Variants in FGF12 observed in about 807,000 individuals in gnomAD.
FGF12 encodes the protein fibroblast growth factor 12, also known as fibroblast growth factor 12B.
In FGF12, 14 loss-of-function variants were observed where a neutral mutation model predicts 23.6. The observed-to-expected ratio is 0.59, with a 90% CI of 0.39 to 0.93. The LOEUF is 0.93. Among genes scored for constraint, FGF12 ranks in the 40% least tolerant of loss-of-function variants. The pLI is 0.00. For missense variants in FGF12, 175 were observed against 217.8 expected, an observed-to-expected ratio of 0.80 and a Z score of 1.24; for synonymous variants, 62 against 77.3, an observed-to-expected ratio of 0.80 and a Z score of 1.04.
At chr3:192,596,007 G>A (rs1713825592) in intron 2 of FGF12, among the ~76,000 whole-genome samples, 1 of 151,438 alleles carries the variant, frequency 6.6e-6, no homozygotes, top group African/African-American at 2.4e-5. Context: ...GTGGGAGGAT[G>A]GCTTGAGCCA....
intron 2 of FGF12, among the ~76,000 whole-genome samples, chr3:192,623,915 A>G (rs1440628277): frequency 6.6e-6 from 1 of 152,196 alleles, no homozygotes; most frequent in Non-Finnish European, 1.5e-5. Context: ...TCAAAAAGTA[A>G]TTAGTTTATG....
chr3:192,385,946 A>G (rs1267118667), intron 2 of FGF12, among the ~76,000 whole-genome samples: 1 of 152,224 alleles, frequency 6.6e-6, no homozygotes, highest in Non-Finnish European at 1.5e-5. Flanking sequence ...AGTAGAGTCC[A>G]GGACAAAGGC....
At chr3:192,282,919 G>A (rs1362225963) in intron 4 of FGF12, 1 of 152,128 alleles carries the variant, frequency 6.6e-6, no homozygotes. Flanking sequence ...CATGAGGTAA[G>A]TGGACGTGAG....
chr3:192,478,594 ATTC>A (rs1483448404), intron 2 of FGF12, among the ~76,000 whole-genome samples: 1 of 152,140 alleles, frequency 6.6e-6, no homozygotes, highest in Non-Finnish European at 1.5e-5. Context: ...TACTGTATTC[ATTC>A]TTCATGTAAA....
At chr3:192,492,956 A>ATTTT (rs766838831) in intron 2 of FGF12, among the ~76,000 whole-genome samples, 20 of 121,604 alleles carry the variant, frequency 1.6e-4, no homozygotes, top group Non-Finnish European at 3.4e-4. Flanking sequence ...AATTTTTGTA[A>ATTTT]TTTTTTTTTT....
chr3:192,139,770 T>C lies in FGF12; in HGVS notation c.*4239A>G, dbSNP rs1449943201. 2 of 152,114 alleles carry C rather than the reference T, an allele frequency of 1.3e-5. No individual in the cohort carries two copies. Among genetic ancestry groups the C allele is most frequent in the Non-Finnish European group, 2.9e-5 (2 of 67,958 alleles). The allele number at this position is 152,114 out of a possible 1,614,324, so 9.4% of individuals were successfully genotyped here. A position where few individuals can be genotyped will look rare whatever the true frequency, so the allele number is the denominator to read the frequency against. On this transcript the variant is annotated 3_prime_UTR_variant, in exon 6 of 6. Transcript: ENST00000445105. ...CTCAATACATCATTCTGAACATTAT[T>C]AATTTTCACTTAACTTAGATTTAAG...
intron 4 of FGF12, among the ~76,000 whole-genome samples, chr3:192,274,916 C>T (rs1322800790): frequency 6.6e-6 from 1 of 152,066 alleles, no homozygotes; most frequent in Admixed American, 6.6e-5. Flanking sequence ...TTAAATTATG[C>T]TTTAAGAACC....
At chr3:192,585,540 C>T (rs1713336210) in intron 2 of FGF12, among the ~76,000 whole-genome samples, 1 of 152,092 alleles carries the variant, frequency 6.6e-6, no homozygotes, top group African/African-American at 2.4e-5. Context: ...AGACACCTAA[C>T]AAGCTGGTAG....
intron 2 of FGF12, among the ~76,000 whole-genome samples, chr3:192,659,256 C>G (rs968909453): frequency 1.3e-5 from 2 of 152,110 alleles, no homozygotes; most frequent in African/African-American, 4.8e-5. Context: ...TCCCTACATC[C>G]CATTAAAATA....
intron 2 of FGF12, among the ~76,000 whole-genome samples, chr3:192,446,033 G>A (rs1454118886): frequency 2.0e-5 from 3 of 152,272 alleles, no homozygotes; most frequent in South Asian, 4.2e-4. Flanking sequence ...GCTCCATAAC[G>A]TCAAAAGAGG....
chr3:192,429,565 A>G lies in FGF12; in HGVS notation c.14-69027T>C, dbSNP rs529668093. 1.1e-4 allele frequency among the ~76,000 whole-genome samples: 17 copies of G among 152,250 alleles called. No individual in the cohort carries two copies. The East Asian group carries it at 3.3e-3, about 29-fold the overall frequency. ...CATGCATTACTCCTTCTCTAGAACT[A>G]TGTGCCTACACTTTACCCAAAAGGC... On this transcript the variant is annotated intron_variant, in intron 2 of 5. Coordinates refer to ENST00000445105, the MANE Select transcript of FGF12 (RefSeq NM_004113.6).
At chr3:192,232,927 C>T (rs902467045) in intron 4 of FGF12, among the ~76,000 whole-genome samples, 16 of 152,110 alleles carry the variant, frequency 1.1e-4, no homozygotes, top group Admixed American at 9.8e-4. Context: ...CGTACATGTG[C>T]CATGTTTTCT....
chr3:192,257,873 G>A (rs996447979), intron 4 of FGF12, among the ~76,000 whole-genome samples: 4 of 151,892 alleles, frequency 2.6e-5, no homozygotes, highest in South Asian at 2.1e-4. Context: ...TTTGAACTTC[G>A]GCTTGACTTC....
intron 3 of FGF12, among the ~76,000 whole-genome samples, chr3:192,356,659 T>C (rs1008657626): frequency 6.6e-6 from 1 of 152,196 alleles, no homozygotes; most frequent in African/African-American, 2.4e-5. Flanking sequence ...GGTGTCTTTA[T>C]CAATTCTGTG....
chr3:192,404,411 T>A (rs1287670429), intron 2 of FGF12, among the ~76,000 whole-genome samples: 1 of 152,196 alleles, frequency 6.6e-6, no homozygotes, highest in Non-Finnish European at 1.5e-5. Flanking sequence ...TGTAATAACT[T>A]CCGAGTCAAA....
At chr3:192,643,289 T>G (rs1465587100) in intron 2 of FGF12, among the ~76,000 whole-genome samples, 1 of 151,162 alleles carries the variant, frequency 6.6e-6, no homozygotes, top group South Asian at 2.1e-4. Context: ...ACATGGAGAA[T>G]TACAAAATTT....
At chr3:192,500,441 C>CA (rs1246635180) in intron 2 of FGF12, among the ~76,000 whole-genome samples, 13 of 150,310 alleles carry the variant, frequency 8.6e-5, no homozygotes, top group Non-Finnish European at 1.6e-4. Context: ...CCAACATCCC[C>CA]CCACCCGCCA....
At chr3:192,233,072 A>G (rs1254994175) in intron 4 of FGF12, among the ~76,000 whole-genome samples, 1 of 152,126 alleles carries the variant, frequency 6.6e-6, no homozygotes, top group African/African-American at 2.4e-5. Flanking sequence ...TACATTCACT[A>G]AAGGGATTGC....
chr3:192,619,857 G>T (rs1714905873), intron 2 of FGF12, among the ~76,000 whole-genome samples: 1 of 152,166 alleles, frequency 6.6e-6, no homozygotes, highest in Non-Finnish European at 1.5e-5. Flanking sequence ...CGAATTTTCA[G>T]CTGGAGCAGA....
Sources: allele counts gnomAD v4.1 joint callset (sites outside exome capture counted in the v4.1 genomes callset), GRCh38; gene constraint gnomAD v4.1.1; transcripts MANE v1.5; gene names NCBI Gene and HGNC (gene_info 2026-07-23, HGNC 2026-07-21).